Variants in RNF213 observed in about 807,000 individuals in gnomAD.
The protein encoded by RNF213 is E3 ubiquitin-protein ligase RNF213.
RNF213 carries 341 observed loss-of-function variants against 514.4 expected under a neutral mutation model. That is an observed-to-expected ratio of 0.66 (90% CI 0.61 to 0.73). The LOEUF is 0.73. RNF213 is among the 30% of genes least tolerant of loss of function. RNF213 has a pLI of 0.00. For synonymous variants in RNF213, 2,655 were observed against 2,658.2 expected, an observed-to-expected ratio of 1.00 and a Z score of 0.04; for missense variants, 5,767 against 6,615.6, an observed-to-expected ratio of 0.87 and a Z score of 4.45.
At chr17:80,289,360 C>T (rs1036592917) in intron 5 of RNF213, among the ~76,000 whole-genome samples, 2 of 152,110 alleles carry the variant, frequency 1.3e-5, no homozygotes, top group African/African-American at 4.8e-5. Flanking sequence ...GAAGCCCAGG[C>T]GGGTGCATCA....
chr17:80,335,219 C>T (rs767205642), intron 22 of RNF213, among the ~76,000 whole-genome samples: 5 of 152,114 alleles, frequency 3.3e-5, no homozygotes, highest in South Asian at 2.1e-4. Flanking sequence ...CGTGAGCCAC[C>T]GCGCCTGGCC....
chr17:80,306,440 C>G lies in RNF213; in HGVS notation c.2399C>G (p.Pro800Arg). 1 of 1,614,096 alleles carries G rather than the reference C, an allele frequency of 6.2e-7. No individual in the cohort carries two copies. Among genetic ancestry groups the G allele is most frequent in the Non-Finnish European group, 8.5e-7 (1 of 1,180,036 alleles). The stretch of plus-strand genomic sequence containing the variant: ...CTTTCAGGGATTTACTACCGGCTTC[C>G]GGGACTTGAGCAAGTCTTGAATACG... ...DCLSGIYYRLPGLEQVLNTQD... is the reference protein window; with the variant it reads ...DCLSGIYYRLRGLEQVLNTQD... The change falls in exon 12 of 68, where the codon CCG becomes CGG. Residue 800 changes from proline (P) to arginine (R), a missense_variant. Physicochemically the swap from Pro to Arg is moderately radical, Grantham distance 103. Around this residue, in one of 13 missense-constraint regions of RNF213, gnomAD observed 592 missense variants for 673.9 expected, o/e 0.88. Transcript: ENST00000582970.
In RNF213 at chr17:80,360,199, C is replaced by T. The variant is rs141625043; in HGVS notation, c.11193C>T (p.Asp3731=). 6.0e-4 allele frequency: 960 copies of T among 1,612,770 alleles called. 14 individuals carry two copies. The South Asian group carries it at 7.9e-3, about 13-fold the overall frequency. The stretch of plus-strand genomic sequence containing the variant: ...GGGTCCAGGCTCAGTACATCACAGA[C>T]GCAGAAGGTGAGGCTACCTCAAGAC... ...ELWVQAQYIT[D]AEGLPKKFVD... Residue 3731 remains aspartate (D), a synonymous_variant, in exon 38 of 68, where the codon GAC becomes GAT. Coordinates refer to ENST00000582970, the MANE Select transcript of RNF213 (RefSeq NM_001256071.3).
intron 1 of RNF213, among the ~76,000 whole-genome samples, chr17:80,261,641 C>T (rs941533106): frequency 6.6e-6 from 1 of 152,228 alleles, no homozygotes; most frequent in African/African-American, 2.4e-5. Context: ...AGAGAAAAGA[C>T]AGGAAGCGGA....
intron 61 of RNF213, 112 bp from the exon 62 acceptor site, chr17:80,386,138 C>T (rs1048602286): frequency 4.8e-6 from 5 of 1,044,778 alleles, no homozygotes; most frequent in Admixed American, 1.8e-5. Flanking sequence ...AACCGAGACC[C>T]GGCTCCCGGC....
At chr17:80,342,766 T>C (rs887414798) in intron 26 of RNF213, among the ~76,000 whole-genome samples, 1 of 146,716 alleles carries the variant, frequency 6.8e-6, no homozygotes, top group African/African-American at 2.5e-5. Context: ...ATATATTATA[T>C]ATATATATTT....
chr17:80,313,756 AGGT>A (rs1363933685), intron 15 of RNF213, among the ~76,000 whole-genome samples: 1 of 85,056 alleles, frequency 1.2e-5, no homozygotes, highest in African/African-American at 4.4e-5. Context: ...CTGGTGGTGG[AGGT>A]GGTGGAGGTA....
intron 36 of RNF213, among the ~76,000 whole-genome samples, chr17:80,357,965 G>A (rs961599046): frequency 2.0e-5 from 3 of 152,198 alleles, no homozygotes; most frequent in African/African-American, 4.8e-5. Flanking sequence ...CGCAGTTGGC[G>A]TGACAGAGTG....
chr17:80,287,744 A>G (rs1439037171), intron 3 of RNF213, 71 bp from the exon 4 acceptor site: 24 of 1,518,984 alleles, frequency 1.6e-5, no homozygotes, highest in Non-Finnish European at 2.2e-5. Context: ...CGGAAGAGAA[A>G]GTTGGAGGGA....
At position 80,273,197 on chromosome 17, in the gene RNF213, C is replaced by T. The variant is rs201079508; in HGVS notation, c.98-44C>T. On this transcript the variant is annotated intron_variant, in intron 2 of 67. Coordinates refer to ENST00000582970, the MANE Select transcript of RNF213 (RefSeq NM_001256071.3). Reference sequence around the variant, plus strand: ...ATTTCTGTTTTTCCTTCCTAACACTCGCTTCTCTCTGAGATCTGACCCTTC... The same window carrying T: ...ATTTCTGTTTTTCCTTCCTAACACTTGCTTCTCTCTGAGATCTGACCCTTC... 2.1e-4 allele frequency: 331 copies of T among 1,610,916 alleles called. 1 individual carries two copies. The East Asian group carries it at 6.5e-3, about 32-fold the overall frequency.
At position 80,349,800 on chromosome 17, in the gene RNF213, C is replaced by T; in HGVS notation, c.9982C>T (p.His3328Tyr). Reference protein sequence around the residue: ...ITTFSRLLTSHDCEILESEVT... With the variant: ...ITTFSRLLTSYDCEILESEVT... The stretch of plus-strand genomic sequence containing the variant: ...CACTTTCTCCAGGCTGCTAACAAGT[C>T]ACGACTGTGAAATTTTAGAATCAGA... Residue 3328 changes from histidine (H) to tyrosine (Y), a missense_variant, in exon 30 of 68, where the codon CAC (histidine) becomes TAC (tyrosine). Around this residue, in one of 13 missense-constraint regions of RNF213, gnomAD observed 919 missense variants for 1,121.0 expected, o/e 0.82. Transcript: ENST00000582970. 1 of 1,614,172 alleles carries T rather than the reference C, an allele frequency of 6.2e-7. No individual in the cohort carries two copies. Among genetic ancestry groups the T allele is most frequent in the Non-Finnish European group, 8.5e-7 (1 of 1,180,000 alleles).
chr17:80,268,641 A>ATCTG (rs57789415), intron 2 of RNF213, among the ~76,000 whole-genome samples: 6 of 103,492 alleles, frequency 5.8e-5, no homozygotes, highest in African/African-American at 2.3e-4. Context: ...CCATCCGTTT[A>ATCTG]TCTGTCTATC....
At chr17:80,386,564 GC>G in intron 62 of RNF213, 125 bp from the exon 63 acceptor site, 2 of 1,386,144 alleles carry the variant, frequency 1.4e-6, no homozygotes, top group South Asian at 1.2e-5. Flanking sequence ...CCAGTGACCC[GC>G]CCCATACTTG....
At chr17:80,298,239 G>A in intron 10 of RNF213, 82 bp from the exon 11 acceptor site, 3 of 1,428,364 alleles carry the variant, frequency 2.1e-6, no homozygotes, top group Non-Finnish European at 2.9e-6. Flanking sequence ...CACGGTGCTT[G>A]CTTCCTGTTG....
chr17:80,288,425 T>A lies in RNF213; in HGVS notation c.810+62T>A. Reference sequence around the variant, plus strand: ...TGAGCCCTCGGCACCTGGGCTCTGCTGCAAGGTGCTGGCGTTGCTTCCCTG... The same window carrying A: ...TGAGCCCTCGGCACCTGGGCTCTGCAGCAAGGTGCTGGCGTTGCTTCCCTG... On this transcript the variant is annotated intron_variant, in intron 4 of 67. Transcript: ENST00000582970. The surrounding 1 kb of genome is among the most constrained non-coding windows in gnomAD (Gnocchi z 4.9). 6.2e-7 allele frequency: 1 copy of A among 1,601,930 alleles called. No individual in the cohort carries two copies. Among genetic ancestry groups the A allele is most frequent in the Non-Finnish European group, 8.5e-7 (1 of 1,174,482 alleles).
chr17:80,353,790 C>A lies in RNF213; in HGVS notation c.10578+124C>A. 1 of 1,362,458 alleles carries A rather than the reference C, an allele frequency of 7.3e-7. No homozygotes were observed. 84.4% of individuals were successfully genotyped at this position (1,362,458 alleles called of 1,614,324 possible). Reference sequence around the variant, plus strand: ...CGCTGTGCAGGGGTGAGGATGGCGCCCCACTTTCCTCACACAGTGACGGTC... The same window carrying A: ...CGCTGTGCAGGGGTGAGGATGGCGCACCACTTTCCTCACACAGTGACGGTC... On this transcript the variant is annotated intron_variant, in intron 34 of 67. Transcript: ENST00000582970. This position sits in a 1 kb window ranked among gnomAD's most constrained non-coding sequence, Gnocchi z 5.0.
intron 58 of RNF213, among the ~76,000 whole-genome samples, 184 bp downstream of exon 58, chr17:80,383,254 T>G (rs879461166): frequency 1.3e-5 from 2 of 152,178 alleles, no homozygotes; most frequent in African/African-American, 2.4e-5. Flanking sequence ...CCAAGTGCTC[T>G]TCCCTCCTAC....
intron 63 of RNF213, among the ~76,000 whole-genome samples, chr17:80,387,702 C>T (rs1450828428): frequency 6.6e-6 from 1 of 152,234 alleles, no homozygotes; most frequent in Middle Eastern, 3.2e-3. Flanking sequence ...TGGGATAAAG[C>T]CGACACTCTG....
chr17:80,265,958 CA>C (rs569273475), intron 2 of RNF213, among the ~76,000 whole-genome samples: 1 of 152,026 alleles, frequency 6.6e-6, no homozygotes, highest in Non-Finnish European at 1.5e-5. Context: ...AGGGATCCTT[CA>C]AGTTGGGATG....
Sources: allele counts gnomAD v4.1 joint callset (sites outside exome capture counted in the v4.1 genomes callset), GRCh38; gene constraint gnomAD v4.1.1; regional missense constraint gnomAD v4.1.1; non-coding constraint Gnocchi (gnomAD v3.1); transcripts MANE v1.5; gene names NCBI Gene and HGNC (gene_info 2026-07-23, HGNC 2026-07-21).